RD3: variants seen among roughly 807,000 people sequenced by gnomAD.
RD3 encodes the protein protein RD3.
Under a neutral mutation model 16.9 loss-of-function variants are expected in RD3, and 11 were observed. That is an observed-to-expected ratio of 0.65 (90% CI 0.41 to 1.08). RD3 has a LOEUF of 1.08. RD3 is among the 50% of genes least tolerant of loss of function. The pLI is 0.00. For missense variants in RD3, 274 were observed against 267.4 expected (o/e 1.02, Z -0.17); for synonymous variants, 116 against 114.8 (o/e 1.01, Z -0.07).
At chr1:211,479,365 C>T in intron 2 of RD3, 38 bp from the exon 3 acceptor site, 1 of 1,573,964 alleles carries the variant, frequency 6.4e-7, no homozygotes, top group South Asian at 1.2e-5. Flanking sequence ...CATTCACCCA[C>T]AACAGCGGGT....
chr1:211,478,909 G>T lies in RD3; in HGVS notation c.*127C>A. On this transcript the variant is annotated 3_prime_UTR_variant, in exon 3 of 3. Coordinates refer to ENST00000680073, the MANE Select transcript of RD3 (RefSeq NM_001164688.2). ...GCTTCATTTTATAGCAGCGTCTTGG[G>T]ATGGGGCCGCCTCTTGGGTCTCCTC... 1.2e-6 allele frequency: 1 copy of T among 839,290 alleles called. No homozygotes were observed. The highest frequency in any genetic ancestry group is 1.8e-6 in the Non-Finnish European group (1 of 556,628). 52.0% of individuals were successfully genotyped at this position (839,290 alleles called of 1,614,324 possible).
chr1:211,481,491 G>A, intron 1 of RD3, 65 bp from the exon 2 acceptor site: 2 of 1,490,140 alleles, frequency 1.3e-6, no homozygotes, highest in African/African-American at 1.4e-5. Context: ...GGGGAACCTG[G>A]GAACCCAAGG....
Position 211,478,828 on chromosome 1 carries a change from C to T in RD3, c.*208G>A. The T allele has an allele frequency of 1.7e-6, 1 of 579,690 alleles. No individual in the cohort carries two copies. The highest frequency in any genetic ancestry group is 1.9e-5 in the African/African-American group (1 of 53,366). The allele number at this position is 579,690 out of a possible 1,614,324, so 35.9% of individuals were successfully genotyped here. A position where few individuals can be genotyped will look rare whatever the true frequency, so the allele number is the denominator to read the frequency against. ...GCGCAGGAGAGGGAGAGGGCGGTGCCGCTCTACGACCTAACTCAGCTTTGT... is the reference window on the plus strand; with the variant it reads ...GCGCAGGAGAGGGAGAGGGCGGTGCTGCTCTACGACCTAACTCAGCTTTGT... On this transcript the variant is annotated 3_prime_UTR_variant, in exon 3 of 3. Coordinates refer to ENST00000680073, the MANE Select transcript of RD3 (RefSeq NM_001164688.2).
intron 1 of RD3, among the ~76,000 whole-genome samples, chr1:211,489,321 T>C (rs1558182434): frequency 7.1e-6 from 1 of 141,656 alleles, no homozygotes. Context: ...AACCTTTAAC[T>C]GAAATGTGGT....
rs1553281068 is a variant in RD3 at position 211,481,824 on chromosome 1, A to AACACACACACACACACTCACAT, written c.-11-399_-11-398insATGTGAGTGTGTGTGTGTGTGT. Among the ~76,000 whole-genome samples, 623 of 151,546 alleles carry AACACACACACACACACTCACAT rather than the reference A, an allele frequency of 4.1e-3. 9 individuals carry two copies. Among genetic ancestry groups the AACACACACACACACACTCACAT allele is most frequent in the African/African-American group, 0.014 (577 of 41,370 alleles). On this transcript the variant is annotated intron_variant, in intron 1 of 2. Coordinates refer to ENST00000680073, the MANE Select transcript of RD3 (RefSeq NM_001164688.2). Reference sequence around the variant, plus strand: ...CAAGCTTTCCCTATGACTTAAGGGGAACACACACACACACACTCAGAACAG... The same window carrying AACACACACACACACACTCACAT: ...CAAGCTTTCCCTATGACTTAAGGGGAACACACACACACACACTCACATACACACACACACACACTCAGAACAG...
At chr1:211,480,287 G>A (rs1261916226) in intron 2 of RD3, among the ~76,000 whole-genome samples, 1 of 152,122 alleles carries the variant, frequency 6.6e-6, no homozygotes, top group Non-Finnish European at 1.5e-5. Flanking sequence ...AGTGTGGACG[G>A]GGCTGAAGAA....
At chr1:211,491,299 C>G (rs902491772) in intron 1 of RD3, among the ~76,000 whole-genome samples, 1 of 152,354 alleles carries the variant, frequency 6.6e-6, no homozygotes, top group East Asian at 1.9e-4. Flanking sequence ...TGCTGCATCC[C>G]CAGAGCCTGA....
chr1:211,488,963 G>A (rs1279144793), intron 1 of RD3, among the ~76,000 whole-genome samples: 1 of 152,102 alleles, frequency 6.6e-6, no homozygotes. Context: ...GGTGGAGCAG[G>A]CTGGGCTTGG....
chr1:211,489,713 A>T (rs74138741), intron 1 of RD3, among the ~76,000 whole-genome samples: 2,077 of 152,174 alleles, frequency 0.014, 57 homozygotes, highest in African/African-American at 0.047. Flanking sequence ...GCACAAAAAT[A>T]AAGGATCCCC....
chr1:211,482,542 G>T (rs1335706782), intron 1 of RD3, among the ~76,000 whole-genome samples: 1 of 151,868 alleles, frequency 6.6e-6, no homozygotes, highest in African/African-American at 2.4e-5. Flanking sequence ...GATGGAGAAG[G>T]GGTCCCAGGT....
Position 211,486,398 on chromosome 1 carries a change from G to A in RD3, c.-11-4972C>T, listed in dbSNP as rs562826229. ...CGGGCACCTGTAATTCCAGCTAGTC[G>A]GGAGGTGGAAGAATCGATTGAACCT... On this transcript the variant is annotated intron_variant, in intron 1 of 2. Coordinates refer to ENST00000680073, the MANE Select transcript of RD3 (RefSeq NM_001164688.2). Among the ~76,000 whole-genome samples the A allele has an allele frequency of 8.6e-5, 13 of 150,982 alleles. No homozygotes were observed. The South Asian group carries it at 1.5e-3, about 17-fold the overall frequency.
At chr1:211,483,683 G>T (rs1558180660) in intron 1 of RD3, among the ~76,000 whole-genome samples, 1 of 151,970 alleles carries the variant, frequency 6.6e-6, no homozygotes, top group Admixed American at 6.6e-5. Context: ...GTGTGTACTG[G>T]GGGGTGGGAG....
chr1:211,488,831 C>T (rs1364542684), intron 1 of RD3, among the ~76,000 whole-genome samples: 1 of 152,178 alleles, frequency 6.6e-6, no homozygotes. Context: ...GAGTCTGGGG[C>T]CTGGGGTCCA....
chr1:211,481,675 A>G (rs1213117308), intron 1 of RD3, among the ~76,000 whole-genome samples: 5 of 152,238 alleles, frequency 3.3e-5, no homozygotes, highest in Non-Finnish European at 7.3e-5. Context: ...AACATCACAT[A>G]AAAGTAAGAG....
At chr1:211,491,287 G>A (rs1705484845) in intron 1 of RD3, among the ~76,000 whole-genome samples, 1 of 152,244 alleles carries the variant, frequency 6.6e-6, no homozygotes, top group Non-Finnish European at 1.5e-5. Flanking sequence ...TGCCCTGGGT[G>A]CTGCTGCATC....
At chr1:211,479,743 T>C (rs1705225819) in intron 2 of RD3, among the ~76,000 whole-genome samples, 1 of 152,176 alleles carries the variant, frequency 6.6e-6, no homozygotes, top group Admixed American at 6.5e-5. Flanking sequence ...CTGAAACCTA[T>C]ATCTGATTAT....
At chr1:211,489,030 C>G (rs908875853) in intron 1 of RD3, among the ~76,000 whole-genome samples, 1 of 152,228 alleles carries the variant, frequency 6.6e-6, no homozygotes, top group African/African-American at 2.4e-5. Flanking sequence ...CGCCCTTCCC[C>G]TCCCGTGTAT....
intron 1 of RD3, among the ~76,000 whole-genome samples, chr1:211,482,254 G>GA (rs1705284706): frequency 6.6e-6 from 1 of 151,730 alleles, no homozygotes; most frequent in Non-Finnish European, 1.5e-5. Flanking sequence ...ACATTAACCT[G>GA]AAAAAAACCA....
At position 211,478,935 on chromosome 1, in the gene RD3, G is replaced by C. The variant is rs1429965829; in HGVS notation, c.*101C>G. On this transcript the variant is annotated 3_prime_UTR_variant, in exon 3 of 3. Transcript: ENST00000680073. ...ATGGGGCCGCCTCTTGGGTCTCCTC[G>C]TCAGGCCTAGGTGGGGAGGTTCCAG... 1.7e-6 allele frequency: 2 copies of C among 1,155,924 alleles called. No individual in the cohort carries two copies. Among genetic ancestry groups the C allele is most frequent in the Non-Finnish European group, 1.2e-6 (1 of 845,100 alleles). The allele number at this position is 1,155,924 out of a possible 1,614,324, so 71.6% of individuals were successfully genotyped here.
Sources: allele counts gnomAD v4.1 joint callset (sites outside exome capture counted in the v4.1 genomes callset), GRCh38; gene constraint gnomAD v4.1.1; transcripts MANE v1.5; gene names NCBI Gene and HGNC (gene_info 2026-07-23, HGNC 2026-07-21).